The following ADGRV1 variants were observed in gnomAD, a reference collection of about 807,000 sequenced individuals.
ADGRV1 encodes the protein adhesion G protein-coupled receptor V1.
A neutral mutation model predicts 596.2 loss-of-function variants in ADGRV1; 359 were observed. The ratio of observed to expected loss-of-function variants is 0.60; its 90% CI spans 0.55 to 0.66. The LOEUF is 0.66. Ranked by LOEUF, ADGRV1 falls within the 30% of genes least tolerant of loss-of-function variation. ADGRV1 has a pLI of 0.00. For missense variants in ADGRV1, 7,274 were observed against 7,575.6 expected (o/e 0.96, Z 1.48); for synonymous variants, 2,681 against 2,679.2 (o/e 1.00, Z -0.02).
chr5:90,669,321 TGCC>T (rs1393669871), intron 21 of ADGRV1, among the ~76,000 whole-genome samples: 7 of 152,168 alleles, frequency 4.6e-5, no homozygotes, highest in African/African-American at 1.7e-4. Flanking sequence ...AAGGTTGGAG[TGCC>T]CTACCTTCAG....
intron 85 of ADGRV1, among the ~76,000 whole-genome samples, chr5:90,990,084 C>T (rs941697068): frequency 1.3e-5 from 2 of 152,184 alleles, no homozygotes; most frequent in African/African-American, 4.8e-5. Context: ...TCCCAAAGCG[C>T]TGGGATTACA....
chr5:90,769,174 A>G lies in ADGRV1; in HGVS notation c.12286-5012A>G, dbSNP rs138182818. Reference sequence around the variant, plus strand: ...GGGGAATCTTAGTGAACATCAGAGCATCCACCACTGAGATGCAGGGTACAG... The same window carrying G: ...GGGGAATCTTAGTGAACATCAGAGCGTCCACCACTGAGATGCAGGGTACAG... On this transcript the variant is annotated intron_variant, in intron 59 of 89. Coordinates refer to ENST00000405460, the MANE Select transcript of ADGRV1 (RefSeq NM_032119.4). Among the ~76,000 whole-genome samples, 6 of 152,292 alleles carry G rather than the reference A, an allele frequency of 3.9e-5. No individual in the cohort carries two copies. In the East Asian group the frequency reaches 9.7e-4, roughly 25 times the overall value.
Position 91,014,891 on chromosome 5 carries a change from G to A in ADGRV1, c.18152+29369G>A, listed in dbSNP as rs574170966. Among the ~76,000 whole-genome samples the A allele has an allele frequency of 2.0e-5, 3 of 151,834 alleles. No homozygotes were observed. In the East Asian group the frequency reaches 5.8e-4, roughly 29 times the overall value. ...TGTCTTGATATCTTTCAGTTCAGCT[G>A]GGATTTTGGTTGTTTCTTGTCTTCT... On this transcript the variant is annotated intron_variant, in intron 85 of 89. Transcript: ENST00000405460.
intron 83 of ADGRV1, among the ~76,000 whole-genome samples, chr5:90,921,003 C>T (rs1280777767): frequency 6.6e-6 from 1 of 152,174 alleles, no homozygotes; most frequent in Non-Finnish European, 1.5e-5. Flanking sequence ...AAAGTGAGCA[C>T]TTCTGTACCT....
intron 86 of ADGRV1, among the ~76,000 whole-genome samples, chr5:91,091,152 T>C (rs191187123): frequency 6.6e-6 from 1 of 152,264 alleles, no homozygotes; most frequent in African/African-American, 2.4e-5. Context: ...AGCACACTTT[T>C]TCTCCCTCCC....
At chr5:91,146,435 C>T (rs1373698439) in intron 87 of ADGRV1, among the ~76,000 whole-genome samples, 2 of 152,180 alleles carry the variant, frequency 1.3e-5, no homozygotes, top group Non-Finnish European at 2.9e-5. Context: ...TTGACTGGGT[C>T]GCAAAAGAAT....
intron 69 of ADGRV1, among the ~76,000 whole-genome samples, chr5:90,790,067 G>A (rs752425452): frequency 1.3e-5 from 2 of 152,162 alleles, no homozygotes; most frequent in Non-Finnish European, 1.5e-5. Context: ...GTTACAGTTA[G>A]TTCAGAAAGA....
chr5:91,075,169 G>C (rs779741857), intron 86 of ADGRV1, among the ~76,000 whole-genome samples: 18 of 151,994 alleles, frequency 1.2e-4, no homozygotes, highest in Non-Finnish European at 2.9e-5. Flanking sequence ...CTTTTGCTGT[G>C]CAGGAGCTCT....
intron 85 of ADGRV1, among the ~76,000 whole-genome samples, chr5:91,011,730 C>A (rs1245682951): frequency 6.6e-6 from 1 of 151,666 alleles, no homozygotes; most frequent in Non-Finnish European, 1.5e-5. Flanking sequence ...AAGGCTTTTC[C>A]CATTTAGATT....
Position 90,692,647 on chromosome 5 carries a change from A to G in ADGRV1, c.6994A>G (p.Ile2332Val), listed in dbSNP as rs193030567. 2 of 1,611,510 alleles carry G rather than the reference A, an allele frequency of 1.2e-6. No homozygotes were observed. The highest frequency in any genetic ancestry group is 1.3e-5 in the African/African-American group (1 of 74,844). Residue 2332 changes from isoleucine to valine, a missense_variant, in exon 32 of 90, where the codon ATT becomes GTT. Around this residue, in one of 5 missense-constraint regions of ADGRV1, gnomAD observed 3,643 missense variants for 3,809.2 expected, o/e 0.96. Transcript: ENST00000405460. ...QLTDASGGGT[I>V]GLDRIANIII... ...AACTGATGCCTCTGGTGGAGGTACT[A>G]TTGGGTTAGATCGAATTGCAAATAT...
chr5:91,033,348 G>A (rs920305698), intron 85 of ADGRV1, among the ~76,000 whole-genome samples: 9 of 152,058 alleles, frequency 5.9e-5, no homozygotes, highest in South Asian at 2.1e-4. Context: ...GCCCTTTGAC[G>A]GGGTCCTACA....
intron 2 of ADGRV1, 105 bp downstream of exon 2, chr5:90,615,124 T>C (rs1763205830): frequency 1.5e-6 from 1 of 663,784 alleles, no homozygotes; most frequent in Non-Finnish European, 2.5e-6. Flanking sequence ...GCAGTTTCAT[T>C]ATGATAAATG....
chr5:90,960,126 G>A (rs542892832), intron 83 of ADGRV1, among the ~76,000 whole-genome samples: 8 of 137,714 alleles, frequency 5.8e-5, no homozygotes, highest in South Asian at 4.7e-4. Context: ...GTGACAGACC[G>A]AGACTCATCT....
chr5:90,627,294 T>G lies in ADGRV1; in HGVS notation c.756T>G (p.Ile252Met). The G allele has an allele frequency of 6.2e-7, 1 of 1,612,016 alleles. No homozygotes were observed. Among genetic ancestry groups the G allele is most frequent in the Non-Finnish European group, 8.5e-7 (1 of 1,178,354 alleles). ...AGATTAACACCTCTAGGAATTCCATTGAGATCATCATTAAGAAAAATGATA... is the reference window on the plus strand; with the variant it reads ...AGATTAACACCTCTAGGAATTCCATGGAGATCATCATTAAGAAAAATGATA... ...GAEINTSRNS[I>M]EIIIKKNDSP... The change falls in exon 7 of 90, where the codon ATT (isoleucine) becomes ATG (methionine). Residue 252 changes from isoleucine (I) to methionine (M), a missense_variant. By Grantham distance (10) the Ile-to-Met change is conservative. Transcript: ENST00000405460.
intron 48 of ADGRV1, among the ~76,000 whole-genome samples, chr5:90,727,755 A>G (rs1262319825): frequency 2.0e-5 from 3 of 152,126 alleles, no homozygotes; most frequent in African/African-American, 7.2e-5. Flanking sequence ...ATCCTAATGG[A>G]AGGTACTCCA....
intron 85 of ADGRV1, among the ~76,000 whole-genome samples, chr5:90,986,975 A>G (rs1024437074): frequency 3.3e-5 from 5 of 152,166 alleles, no homozygotes; most frequent in African/African-American, 1.2e-4. Context: ...AATGGACCCA[A>G]TGAATGTAAT....
chr5:90,934,169 C>T (rs1194089320), intron 83 of ADGRV1, among the ~76,000 whole-genome samples: 1 of 152,180 alleles, frequency 6.6e-6, no homozygotes, highest in African/African-American at 2.4e-5. Context: ...TCATCTCTCC[C>T]CTTCCGACCC....
intron 34 of ADGRV1, among the ~76,000 whole-genome samples, chr5:90,700,389 A>C (rs1478968847): frequency 6.6e-6 from 1 of 152,184 alleles, no homozygotes; most frequent in Non-Finnish European, 1.5e-5. Flanking sequence ...AGTCTCTAAC[A>C]ATGTATTGAA....
chr5:90,830,130 G>C (rs1289439343), intron 77 of ADGRV1, among the ~76,000 whole-genome samples: 1 of 152,088 alleles, frequency 6.6e-6, no homozygotes, highest in Non-Finnish European at 1.5e-5. Context: ...TGTTGTAGCA[G>C]TTACATGAGT....
Sources: allele counts gnomAD v4.1 joint callset (sites outside exome capture counted in the v4.1 genomes callset), GRCh38; gene constraint gnomAD v4.1.1; regional missense constraint gnomAD v4.1.1; transcripts MANE v1.5; gene names NCBI Gene and HGNC (gene_info 2026-07-23, HGNC 2026-07-21).